SNTG1: variants seen among roughly 807,000 people sequenced by gnomAD.
SNTG1 encodes syntrophin gamma 1, also known as gamma-1-syntrophin.
SNTG1 carries 39 observed loss-of-function variants against 74.7 expected under a neutral mutation model. The observed-to-expected ratio is 0.52, with a 90% confidence interval of 0.40 to 0.68. SNTG1 has a LOEUF of 0.68. Ranked by LOEUF, SNTG1 falls within the 30% of genes least tolerant of loss-of-function variation. SNTG1 has a pLI of 0.00. For synonymous variants in SNTG1, 254 were observed against 217.1 expected (o/e 1.17, Z -1.49); for missense variants, 685 against 609.5 (o/e 1.12, Z -1.30).
intron 11 of SNTG1, among the ~76,000 whole-genome samples, chr8:50,550,217 C>A (rs954418126): frequency 6.6e-6 from 1 of 152,160 alleles, no homozygotes; most frequent in Non-Finnish European, 1.5e-5. Flanking sequence ...GCAGTGGTTC[C>A]TTGCAGACTT....
At chr8:50,532,696 C>T (rs1270307375) in intron 10 of SNTG1, among the ~76,000 whole-genome samples, 2 of 152,098 alleles carry the variant, frequency 1.3e-5, no homozygotes, top group Admixed American at 6.6e-5. Context: ...CATCTCTACT[C>T]AGAGATGTAC....
chr8:50,393,702 G>T (rs1160554405), intron 2 of SNTG1, among the ~76,000 whole-genome samples: 1 of 152,094 alleles, frequency 6.6e-6, no homozygotes, highest in Non-Finnish European at 1.5e-5. Flanking sequence ...CAAATAGCTT[G>T]CTTCCTTACA....
chr8:50,768,706 T>A (rs2095619745), intron 18 of SNTG1, among the ~76,000 whole-genome samples: 1 of 152,026 alleles, frequency 6.6e-6, no homozygotes, highest in African/African-American at 2.4e-5. Flanking sequence ...TACAAAGCAC[T>A]GGCTGTTTAG....
At chr8:50,122,100 C>T (rs1373040295) in intron 1 of SNTG1, among the ~76,000 whole-genome samples, 1 of 140,666 alleles carries the variant, frequency 7.1e-6, no homozygotes, top group Non-Finnish European at 1.6e-5. Flanking sequence ...GGTTTAGGGA[C>T]CCCCAGTGTC....
intron 1 of SNTG1, among the ~76,000 whole-genome samples, chr8:50,122,983 G>T (rs970432940): frequency 1.4e-5 from 2 of 142,376 alleles, no homozygotes; most frequent in African/African-American, 5.1e-5. Context: ...GATTCAGGGG[G>T]CTCATAACTT....
At chr8:50,343,496 T>C (rs1056670505) in intron 2 of SNTG1, among the ~76,000 whole-genome samples, 2 of 152,038 alleles carry the variant, frequency 1.3e-5, no homozygotes, top group Non-Finnish European at 2.9e-5. Context: ...TATAAAAAAA[T>C]TAAAAGATCA....
chr8:50,102,651 T>C (rs1191511747), intron 1 of SNTG1, among the ~76,000 whole-genome samples: 1 of 149,578 alleles, frequency 6.7e-6, no homozygotes, highest in African/African-American at 2.6e-5. Flanking sequence ...ATGTCCTGAA[T>C]GGTAATGCCT....
At chr8:50,416,782 C>G (rs568906478) in intron 4 of SNTG1, among the ~76,000 whole-genome samples, 26 of 152,058 alleles carry the variant, frequency 1.7e-4, no homozygotes, top group Non-Finnish European at 3.7e-4. Flanking sequence ...TGATTTAATG[C>G]TAAGATCTGT....
chr8:50,664,874 G>A (rs1458163313), intron 15 of SNTG1, among the ~76,000 whole-genome samples: 2 of 152,160 alleles, frequency 1.3e-5, no homozygotes, highest in East Asian at 3.9e-4. Flanking sequence ...TAGATGAGCA[G>A]TGTATCATTT....
chr8:50,117,979 G>A (rs1266357910), intron 1 of SNTG1, among the ~76,000 whole-genome samples: 2 of 152,104 alleles, frequency 1.3e-5, no homozygotes, highest in African/African-American at 4.8e-5. Flanking sequence ...CTGGGGAAGG[G>A]AAAGATGCTG....
At chr8:50,491,821 G>T (rs2093857326) in intron 8 of SNTG1, among the ~76,000 whole-genome samples, 1 of 151,986 alleles carries the variant, frequency 6.6e-6, no homozygotes, top group Non-Finnish European at 1.5e-5. Context: ...GTGGTTTGCT[G>T]CACCCATCAA....
intron 15 of SNTG1, among the ~76,000 whole-genome samples, chr8:50,678,175 T>A (rs2095316733): frequency 6.6e-6 from 1 of 151,926 alleles, no homozygotes; most frequent in Admixed American, 6.6e-5. Context: ...ATTTTTTTTT[T>A]AGAATAATAT....
intron 1 of SNTG1, 133 bp from the exon 2 acceptor site, chr8:50,172,428 T>C (rs77722264): frequency 6.6e-6 from 1 of 152,164 alleles, no homozygotes; most frequent in Non-Finnish European, 1.5e-5. Flanking sequence ...GTGTGGAAAA[T>C]TGTGTATGAT....
chr8:50,656,818 A>G (rs542965773), intron 13 of SNTG1, 91 bp from the exon 14 acceptor site: 153 of 849,820 alleles, frequency 1.8e-4, no homozygotes, highest in Non-Finnish European at 2.7e-4. Context: ...AATACCTAAA[A>G]TATTTTTAAT....
rs552623688 is a variant in SNTG1 at position 50,501,136 on chromosome 8, C to T, written c.364-1642C>T. ...GTCACCGCTCACTGATGTTTGCTGCCTTGCCTGGTATTAGTGCGGCTCCTT... is the reference window on the plus strand; with the variant it reads ...GTCACCGCTCACTGATGTTTGCTGCTTTGCCTGGTATTAGTGCGGCTCCTT... On this transcript the variant is annotated intron_variant, in intron 8 of 18. Coordinates refer to ENST00000642720, the MANE Select transcript of SNTG1 (RefSeq NM_018967.5). 2.9e-3 allele frequency among the ~76,000 whole-genome samples: 448 copies of T among 152,230 alleles called. 3 individuals carry two copies. Among genetic ancestry groups the T allele is most frequent in the South Asian group, 0.015 (74 of 4,824 alleles).
intron 1 of SNTG1, among the ~76,000 whole-genome samples, chr8:50,158,657 C>T (rs1364733470): frequency 6.6e-6 from 1 of 152,026 alleles, no homozygotes; most frequent in Non-Finnish European, 1.5e-5. Flanking sequence ...TTGTTTTTTT[C>T]TGTTGTAATC....
At chr8:50,290,069 A>G (rs904131368) in intron 2 of SNTG1, among the ~76,000 whole-genome samples, 1 of 152,160 alleles carries the variant, frequency 6.6e-6, no homozygotes, top group African/African-American at 2.4e-5. Context: ...CAGTGCCAGC[A>G]GGATTCCTGG....
chr8:49,935,613 G>T (rs1010825203), intron 1 of SNTG1, among the ~76,000 whole-genome samples: 1 of 151,368 alleles, frequency 6.6e-6, no homozygotes, highest in African/African-American at 2.4e-5. Context: ...TCCCAGCCCT[G>T]GTTAAGACAG....
chr8:50,536,999 C>A (rs919229930), intron 11 of SNTG1, among the ~76,000 whole-genome samples, 191 bp downstream of exon 11: 4 of 152,142 alleles, frequency 2.6e-5, no homozygotes, highest in Admixed American at 6.5e-5. Flanking sequence ...AGTTAAAGCC[C>A]TGACTCTGCT....
Sources: gnomAD v4.1 joint callset for allele counts (sites outside exome capture counted in the v4.1 genomes callset) on GRCh38, gnomAD v4.1.1 for gene constraint, MANE v1.5 for transcripts, NCBI Gene and HGNC (gene_info 2026-07-23, HGNC 2026-07-21) for gene names.